The following SPOPL variants were observed in gnomAD, a reference collection of about 807,000 sequenced individuals.
SPOPL encodes the protein speckle-type POZ protein-like.
SPOPL carries 23 observed loss-of-function variants against 53.8 expected under a neutral mutation model. The observed-to-expected ratio is 0.43, with a 90% CI of 0.31 to 0.61. The LOEUF (loss-of-function observed/expected upper bound fraction) is 0.61, where lower values mean the gene tolerates loss of function less well. SPOPL is among the 20% of genes least tolerant of loss of function. SPOPL has a pLI of 0.12. For missense variants in SPOPL, 442 were observed against 466.9 expected (o/e 0.95, Z 0.49); for synonymous variants, 164 against 149.7 (o/e 1.10, Z -0.70).
chr2:138,562,938 A>G (rs947147931), intron 8 of SPOPL, among the ~76,000 whole-genome samples: 10 of 152,176 alleles, frequency 6.6e-5, no homozygotes, highest in Admixed American at 6.5e-4. Flanking sequence ...AAAAAATGAT[A>G]AAATAGACTT....
chr2:138,569,844 G>A lies in SPOPL; in HGVS notation c.*764G>A, dbSNP rs1335055249. ...TTATACTGACCTACATTTATACGAA[G>A]AATTCTGTACATGTTAAAAGTAAGG... On this transcript the variant is annotated 3_prime_UTR_variant, in exon 11 of 11. Transcript: ENST00000280098. 6.6e-6 allele frequency: 1 copy of A among 152,506 alleles called. No homozygotes were observed. Among genetic ancestry groups the A allele is most frequent in the Non-Finnish European group, 1.5e-5 (1 of 67,996 alleles). The allele number at this position is 152,506 out of a possible 1,614,324, so 9.4% of individuals were successfully genotyped here.
At position 138,570,111 on chromosome 2, in the gene SPOPL, T is replaced by C. The variant is rs1266075032; in HGVS notation, c.*1031T>C. The C allele has an allele frequency of 2.0e-5, 3 of 152,330 alleles. No homozygotes were observed. The highest frequency in any genetic ancestry group is 2.9e-5 in the Non-Finnish European group (2 of 68,014). 9.4% of individuals were successfully genotyped at this position (152,330 alleles called of 1,614,324 possible). On this transcript the variant is annotated 3_prime_UTR_variant, in exon 11 of 11. Coordinates refer to ENST00000280098, the MANE Select transcript of SPOPL (RefSeq NM_001001664.3). ...GTTAAATTGGTTTGGATTACAGATATTCATTATTGAATTGACTCCTATTTT... is the reference window on the plus strand; with the variant it reads ...GTTAAATTGGTTTGGATTACAGATACTCATTATTGAATTGACTCCTATTTT...
At chr2:138,548,058 C>G (rs2104889351) in intron 1 of SPOPL, among the ~76,000 whole-genome samples, 1 of 152,152 alleles carries the variant, frequency 6.6e-6, no homozygotes, top group East Asian at 1.9e-4. Flanking sequence ...GACAAAATTT[C>G]TTTTGATACT....
intron 5 of SPOPL, among the ~76,000 whole-genome samples, chr2:138,555,804 A>G (rs1007671580): frequency 2.6e-5 from 4 of 152,328 alleles, no homozygotes; most frequent in East Asian, 1.9e-4. Flanking sequence ...AGCCAAAAGC[A>G]AATTTGAAAA....
At chr2:138,518,046 C>CAAAAAAAAAAAA (rs61662616) in intron 1 of SPOPL, among the ~76,000 whole-genome samples, 1 of 67,796 alleles carries the variant, frequency 1.5e-5, no homozygotes, top group African/African-American at 5.2e-5. Flanking sequence ...GAAACTGTCT[C>CAAAAAAAAAAAA]AAAAAAAAAA....
At chr2:138,564,906 C>CT in intron 9 of SPOPL, 34 bp from the exon 10 acceptor site, 6 of 1,613,444 alleles carry the variant, frequency 3.7e-6, no homozygotes, top group East Asian at 2.2e-5. Flanking sequence ...TTTCTCTGGA[C>CT]TTTTTTTTAA....
chr2:138,518,148 A>T (rs1456552482), intron 1 of SPOPL, among the ~76,000 whole-genome samples: 4 of 141,714 alleles, frequency 2.8e-5, no homozygotes, highest in African/African-American at 1.1e-4. Context: ...TGATTTTGTT[A>T]AAAAAAAAAG....
intron 1 of SPOPL, among the ~76,000 whole-genome samples, chr2:138,507,684 T>C (rs1489543139): frequency 1.3e-5 from 2 of 152,212 alleles, no homozygotes; most frequent in Non-Finnish European, 1.5e-5. Flanking sequence ...GTTGGAGAGG[T>C]TGGCCATGCC....
chr2:138,562,437 A>G (rs141074111), intron 8 of SPOPL, among the ~76,000 whole-genome samples: 88 of 152,292 alleles, frequency 5.8e-4, no homozygotes, highest in African/African-American at 1.9e-3. Flanking sequence ...TAATCTTTAA[A>G]CAAGTGGTGC....
intron 1 of SPOPL, among the ~76,000 whole-genome samples, chr2:138,512,129 A>G (rs1684336823): frequency 6.6e-6 from 1 of 152,226 alleles, no homozygotes; most frequent in South Asian, 2.1e-4. Context: ...AAAGAGCCTT[A>G]TCAAATGGTT....
intron 1 of SPOPL, among the ~76,000 whole-genome samples, chr2:138,502,567 A>G (rs987590935): frequency 3.3e-5 from 5 of 152,080 alleles, no homozygotes; most frequent in African/African-American, 1.2e-4. Flanking sequence ...CCAAATACAG[A>G]CACTTGAAAC....
At chr2:138,552,464 G>C in intron 4 of SPOPL, 90 bp from the exon 5 acceptor site, 1 of 1,452,354 alleles carries the variant, frequency 6.9e-7, no homozygotes, top group Non-Finnish European at 9.2e-7. Context: ...GACAAGTCCT[G>C]TTTTCACACA....
At chr2:138,504,920 C>T (rs7587753) in intron 1 of SPOPL, among the ~76,000 whole-genome samples, 22,525 of 152,124 alleles carry the variant, frequency 0.15, 1,883 homozygotes, top group African/African-American at 0.22. Flanking sequence ...CATAATAATT[C>T]TTTAATAAGA....
chr2:138,568,568 TAAG>T (rs2104909839), intron 10 of SPOPL, among the ~76,000 whole-genome samples: 1 of 152,190 alleles, frequency 6.6e-6, no homozygotes, highest in Non-Finnish European at 1.5e-5. Flanking sequence ...TAATGCATGT[TAAG>T]GGGGGAGAGT....
intron 1 of SPOPL, among the ~76,000 whole-genome samples, chr2:138,527,162 A>T (rs1275724447): frequency 6.6e-6 from 1 of 151,338 alleles, no homozygotes; most frequent in Non-Finnish European, 1.5e-5. Context: ...TTTTTAATGG[A>T]ATTTTGTAGT....
At chr2:138,512,867 A>C (rs896896144) in intron 1 of SPOPL, among the ~76,000 whole-genome samples, 1 of 152,220 alleles carries the variant, frequency 6.6e-6, no homozygotes, top group African/African-American at 2.4e-5. Flanking sequence ...AGAACTCACT[A>C]TTTGGGATTT....
intron 1 of SPOPL, among the ~76,000 whole-genome samples, chr2:138,519,970 A>C (rs1011422799): frequency 2.0e-5 from 3 of 152,144 alleles, no homozygotes; most frequent in African/African-American, 7.2e-5. Flanking sequence ...GTATAGGGAC[A>C]AAGGGTGGTT....
intron 8 of SPOPL, among the ~76,000 whole-genome samples, chr2:138,563,863 C>G (rs1469143419): frequency 6.6e-6 from 1 of 152,034 alleles, no homozygotes; most frequent in African/African-American, 2.4e-5. Context: ...TGGTAACAAC[C>G]CAAATATTCA....
At chr2:138,560,212 C>A (rs571270561) in intron 7 of SPOPL, among the ~76,000 whole-genome samples, 1 of 152,216 alleles carries the variant, frequency 6.6e-6, no homozygotes, top group African/African-American at 2.4e-5. Context: ...ATAATACATG[C>A]CATTTTTGCA....
Sources: gnomAD v4.1 joint callset for allele counts (sites outside exome capture counted in the v4.1 genomes callset) on GRCh38, gnomAD v4.1.1 for gene constraint, MANE v1.5 for transcripts, NCBI Gene and HGNC (gene_info 2026-07-23, HGNC 2026-07-21) for gene names.